Variants in KLHL1 observed in about 807,000 individuals in gnomAD.
KLHL1 encodes the protein kelch like family member 1, also known as kelch-like protein 1.
A neutral mutation model predicts 77.7 loss-of-function variants in KLHL1; 47 were observed. That is an observed-to-expected ratio of 0.60 (90% CI 0.48 to 0.77). KLHL1 has a LOEUF of 0.77. Among genes scored for constraint, KLHL1 ranks in the 30% least tolerant of loss-of-function variants. KLHL1 has a pLI of 0.00. For synonymous variants in KLHL1, 360 were observed against 325.2 expected (o/e 1.11, Z -1.15); for missense variants, 925 against 910.8 (o/e 1.02, Z -0.20).
At chr13:69,859,427 C>T (rs1267843505) in intron 5 of KLHL1, among the ~76,000 whole-genome samples, 3 of 151,876 alleles carry the variant, frequency 2.0e-5, no homozygotes, top group African/African-American at 7.3e-5. Context: ...CTACTCCCTG[C>T]AATATGTGGC....
At chr13:69,874,018 C>T (rs1346561235) in intron 5 of KLHL1, among the ~76,000 whole-genome samples, 1 of 152,112 alleles carries the variant, frequency 6.6e-6, no homozygotes, top group Non-Finnish European at 1.5e-5. Context: ...TGATGGGTGA[C>T]CACCTTCTAG....
At chr13:69,740,695 A>T (rs548021011) in intron 7 of KLHL1, 139 bp from the exon 8 acceptor site, 95 of 530,160 alleles carry the variant, frequency 1.8e-4, no homozygotes, top group African/African-American at 1.2e-3. Flanking sequence ...GAATAGATTT[A>T]TTTCACAGTG....
intron 1 of KLHL1, among the ~76,000 whole-genome samples, chr13:70,016,925 A>T (rs1885673552): frequency 6.6e-6 from 1 of 152,070 alleles, no homozygotes; most frequent in South Asian, 2.1e-4. Context: ...ACTCAGCTGG[A>T]CTCACACAGA....
intron 1 of KLHL1, among the ~76,000 whole-genome samples, chr13:70,030,695 A>G (rs867555850): frequency 1.3e-5 from 2 of 152,152 alleles, no homozygotes; most frequent in South Asian, 2.1e-4. Context: ...TAGAGAAGCA[A>G]GAGCAAACAC....
intron 1 of KLHL1, among the ~76,000 whole-genome samples, chr13:70,028,809 T>C (rs962831): frequency 0.85 from 129,180 of 151,582 alleles, 55,596 homozygotes; most frequent in East Asian, 0.92. Context: ...AAACTTCATC[T>C]CTACAGAAAA....
intron 7 of KLHL1, among the ~76,000 whole-genome samples, chr13:69,765,195 G>A (rs933426655): frequency 3.3e-5 from 5 of 151,452 alleles, no homozygotes; most frequent in African/African-American, 1.2e-4. Context: ...CAGATGATCC[G>A]CCCTCCTCAG....
intron 4 of KLHL1, among the ~76,000 whole-genome samples, chr13:69,938,821 A>C (rs1183943370): frequency 6.6e-6 from 1 of 152,114 alleles, no homozygotes; most frequent in African/African-American, 2.4e-5. Context: ...TTAATTTAGT[A>C]ATCTGCTTAA....
intron 4 of KLHL1, among the ~76,000 whole-genome samples, chr13:69,898,592 C>A (rs1881732277): frequency 6.6e-6 from 1 of 152,060 alleles, no homozygotes; most frequent in African/African-American, 2.4e-5. Flanking sequence ...AGTGTTATGG[C>A]CCCACTATTG....
intron 5 of KLHL1, among the ~76,000 whole-genome samples, chr13:69,878,801 C>T (rs963370311): frequency 6.6e-6 from 1 of 152,006 alleles, no homozygotes; most frequent in Non-Finnish European, 1.5e-5. Flanking sequence ...CACATGCACA[C>T]ATATGTTTAT....
At chr13:69,839,226 T>G in intron 5 of KLHL1, 64 bp from the exon 6 acceptor site, 2 of 1,154,050 alleles carry the variant, frequency 1.7e-6, no homozygotes, top group Non-Finnish European at 2.4e-6. Context: ...TGTCATTCCT[T>G]AAAACTAGAA....
intron 5 of KLHL1, among the ~76,000 whole-genome samples, chr13:69,868,876 C>A (rs1259671384): frequency 6.6e-6 from 1 of 151,996 alleles, no homozygotes; most frequent in East Asian, 1.9e-4. Context: ...CAATTCCTAC[C>A]TGAAAAAAGT....
At chr13:69,978,711 T>C (rs1192980858) in intron 1 of KLHL1, among the ~76,000 whole-genome samples, 3 of 152,056 alleles carry the variant, frequency 2.0e-5, no homozygotes, top group Admixed American at 6.6e-5. Flanking sequence ...GGTCTTGAAC[T>C]CCCGAACTCA....
At chr13:70,042,056 GA>G (rs1714050400) in intron 1 of KLHL1, among the ~76,000 whole-genome samples, 1 of 152,114 alleles carries the variant, frequency 6.6e-6, no homozygotes, top group Admixed American at 6.6e-5. Flanking sequence ...TCTTGGTCTA[GA>G]AAAAGCAGGC....
chr13:69,814,687 C>T (rs1288102616), intron 6 of KLHL1, among the ~76,000 whole-genome samples: 1 of 152,050 alleles, frequency 6.6e-6, no homozygotes, highest in Non-Finnish European at 1.5e-5. Context: ...AATGAGATAC[C>T]TCCTCACACC....
chr13:69,960,966 G>T (rs1286552596), intron 3 of KLHL1, among the ~76,000 whole-genome samples: 1 of 151,862 alleles, frequency 6.6e-6, no homozygotes, highest in Non-Finnish European at 1.5e-5. Context: ...ATTTCCAAAA[G>T]AAAAGACAAT....
At chr13:69,973,605 A>G (rs964457026) in intron 2 of KLHL1, among the ~76,000 whole-genome samples, 1 of 151,860 alleles carries the variant, frequency 6.6e-6, no homozygotes, top group Non-Finnish European at 1.5e-5. Context: ...GTTTATTACT[A>G]ATGATTATTC....
At chr13:69,792,012 G>T (rs1876895534) in intron 7 of KLHL1, among the ~76,000 whole-genome samples, 1 of 152,146 alleles carries the variant, frequency 6.6e-6, no homozygotes, top group South Asian at 2.1e-4. Context: ...AATGCATGCT[G>T]GGCTTAATAC....
intron 7 of KLHL1, among the ~76,000 whole-genome samples, chr13:69,794,552 G>GGA (rs1877018759): frequency 6.8e-6 from 1 of 146,038 alleles, no homozygotes; most frequent in Non-Finnish European, 1.5e-5. Flanking sequence ...CAGAGAAAGA[G>GGA]GAGAGAGAGA....
intron 1 of KLHL1, among the ~76,000 whole-genome samples, chr13:70,042,037 C>A (rs777565270): frequency 1.3e-5 from 2 of 152,120 alleles, no homozygotes; most frequent in Non-Finnish European, 2.9e-5. Flanking sequence ...TAGACTTTCT[C>A]ATTTCTAGTC....
Sources: allele counts gnomAD v4.1 joint callset (sites outside exome capture counted in the v4.1 genomes callset), GRCh38; gene constraint gnomAD v4.1.1; transcripts MANE v1.5; gene names NCBI Gene and HGNC (gene_info 2026-07-23, HGNC 2026-07-21).